The following PDE4DIP variants were observed in gnomAD, a reference collection of about 807,000 sequenced individuals.
PDE4DIP encodes the protein phosphodiesterase 4D interacting protein.
PDE4DIP carries 59 observed loss-of-function variants against 221.4 expected under a neutral mutation model. The ratio of observed to expected loss-of-function variants is 0.27; its 90% CI spans 0.22 to 0.33. The LOEUF (loss-of-function observed/expected upper bound fraction) is 0.33, where lower values mean the gene tolerates loss of function less well. PDE4DIP is among the 10% of genes least tolerant of loss of function. The pLI is 1.00. For missense variants in PDE4DIP, 1,036 were observed against 2,154.2 expected (o/e 0.48, Z 10.28); for synonymous variants, 404 against 815.9 (o/e 0.50, Z 8.60).
chr1:149,028,664 C>G, exon 41 of PDE4DIP: 1 of 1,600,088 alleles, frequency 6.2e-7, no homozygotes, highest in Non-Finnish European at 8.5e-7. Context: ...GGAGAGCGGC[C>G]CTGCCAAGCA....
chr1:148,926,644 T>C (rs1468177290), intron 1 of PDE4DIP, among the ~76,000 whole-genome samples: 3 of 150,144 alleles, frequency 2.0e-5, no homozygotes, highest in African/African-American at 7.3e-5. Flanking sequence ...GGTTTATGAA[T>C]GAGGAAAATA....
At chr1:148,982,002 G>T (rs587658141) in intron 21 of PDE4DIP, 1 of 155,340 alleles carries the variant, frequency 6.4e-6, no homozygotes, top group Admixed American at 6.2e-5. Flanking sequence ...GAGTAGTCTT[G>T]TAATAGTAGA....
At chr1:148,983,191 C>A (rs1451434870) in intron 21 of PDE4DIP, 1 of 151,986 alleles carries the variant, frequency 6.6e-6, no homozygotes, top group Non-Finnish European at 1.5e-5. Context: ...GTAATGGAGC[C>A]GTAGAAATGT....
intron 1 of PDE4DIP, among the ~76,000 whole-genome samples, chr1:148,828,726 G>A (rs111298015): frequency 2.1e-4 from 32 of 148,856 alleles, no homozygotes; most frequent in Non-Finnish European, 3.9e-4. Context: ...CTCTCCCAAC[G>A]TCAGATACAG....
chr1:148,936,662 T>G (rs1181039319), intron 4 of PDE4DIP, among the ~76,000 whole-genome samples: 2 of 152,244 alleles, frequency 1.3e-5, no homozygotes, highest in African/African-American at 4.8e-5. Flanking sequence ...TAAAAATATT[T>G]TCCTTATATC....
chr1:148,970,008 T>C (rs1198418662), intron 14 of PDE4DIP, among the ~76,000 whole-genome samples: 1 of 152,180 alleles, frequency 6.6e-6, no homozygotes, highest in African/African-American at 2.4e-5. Context: ...GCCCTGCCCA[T>C]AGTAAAGTGT....
intron 1 of PDE4DIP, among the ~76,000 whole-genome samples, chr1:148,814,045 T>C (rs1667146516): frequency 5.3e-5 from 1 of 18,960 alleles, no homozygotes; most frequent in African/African-American, 2.9e-4. Flanking sequence ...CTTCGCCTCC[T>C]GGGTTCAAGC....
chr1:149,029,946 TG>T, intron 42 of PDE4DIP, 21 bp downstream of exon 45: 1 of 1,203,254 alleles, frequency 8.3e-7, no homozygotes, highest in Non-Finnish European at 1.2e-6. Context: ...TGAGAGGGAA[TG>T]GGGGAAGAAA....
chr1:148,813,799 G>T (rs12024542), intron 1 of PDE4DIP, among the ~76,000 whole-genome samples: 4 of 123,062 alleles, frequency 3.3e-5, no homozygotes, highest in South Asian at 2.5e-4. Context: ...TTTGCATGTA[G>T]ATGTACAGTT....
intron 37 of PDE4DIP, among the ~76,000 whole-genome samples, chr1:149,023,751 C>T (rs369736912): frequency 2.7e-4 from 28 of 103,294 alleles, no homozygotes; most frequent in Non-Finnish European, 4.6e-4. Flanking sequence ...TATATGTGTG[C>T]ACATATATAT....
At chr1:148,949,041 T>C (rs2052496100) in intron 5 of PDE4DIP, among the ~76,000 whole-genome samples, 1 of 152,230 alleles carries the variant, frequency 6.6e-6, no homozygotes, top group South Asian at 2.1e-4. Context: ...TTTCAAGATG[T>C]ATCCACGTTG....
chr1:149,019,482 C>A (rs1553615592), intron 35 of PDE4DIP: 1 of 151,944 alleles, frequency 6.6e-6, no homozygotes, highest in Non-Finnish European at 1.5e-5. Context: ...TAATTGATTT[C>A]TGTATTAGCG....
chr1:148,828,632 T>C (rs1553366950), intron 1 of PDE4DIP, among the ~76,000 whole-genome samples: 3 of 151,702 alleles, frequency 2.0e-5, no homozygotes, highest in South Asian at 4.2e-4. Context: ...AGGAGAATTA[T>C]TCATGTAATT....
At chr1:148,901,524 G>A (rs1345462801) in intron 1 of PDE4DIP, among the ~76,000 whole-genome samples, 5 of 121,752 alleles carry the variant, frequency 4.1e-5, no homozygotes, top group Admixed American at 8.8e-5. Context: ...CAAGGCACAA[G>A]CTGCATTGTA....
At chr1:148,980,641 T>TTTA (rs1213539108) in intron 20 of PDE4DIP, among the ~76,000 whole-genome samples, 3 of 151,994 alleles carry the variant, frequency 2.0e-5, no homozygotes, top group Non-Finnish European at 4.4e-5. Context: ...TTTTTCAATT[T>TTTA]TTATTATTAT....
intron 1 of PDE4DIP, among the ~76,000 whole-genome samples, chr1:148,820,913 C>T (rs1189820763): frequency 6.8e-6 from 1 of 148,060 alleles, no homozygotes; most frequent in African/African-American, 2.5e-5. Flanking sequence ...TGCAGTGGGG[C>T]GATCTCGGCT....
intron 12 of PDE4DIP, among the ~76,000 whole-genome samples, chr1:148,967,414 T>G (rs111767104): frequency 5.1e-4 from 76 of 149,032 alleles, no homozygotes; most frequent in Middle Eastern, 3.4e-3. Context: ...TACTGTGGAC[T>G]TTTTTGCATA....
intron 21 of PDE4DIP, among the ~76,000 whole-genome samples, chr1:148,989,717 T>G (rs763374029): frequency 1.2e-4 from 19 of 152,202 alleles, no homozygotes; most frequent in Non-Finnish European, 2.6e-4. Flanking sequence ...ACAGTCTGTT[T>G]TTTGTCACTG....
intron 1 of PDE4DIP, among the ~76,000 whole-genome samples, chr1:148,817,981 T>G (rs1358077311): frequency 1.4e-5 from 2 of 147,552 alleles, no homozygotes; most frequent in Admixed American, 1.3e-4. Flanking sequence ...CACGCCTGGC[T>G]AATTTTTGTA....
Sources: gnomAD v4.1 joint callset for allele counts (sites outside exome capture counted in the v4.1 genomes callset) on GRCh38, gnomAD v4.1.1 for gene constraint, MANE v1.5 for transcripts, NCBI Gene and HGNC (gene_info 2026-07-23, HGNC 2026-07-21) for gene names.